VCPIP1: variants seen among roughly 807,000 people sequenced by gnomAD.
VCPIP1 encodes the protein deubiquitinating protein VCPIP1.
In VCPIP1, 8 loss-of-function variants were observed where a neutral mutation model predicts 85.0. The observed-to-expected ratio is 0.09, with a 90% CI of 0.06 to 0.17. VCPIP1 has a LOEUF of 0.17. VCPIP1 is among the 10% of genes least tolerant of loss of function. The probability of loss-of-function intolerance (pLI) is 1.00; values close to 1 mark genes in which losing one functional copy is unlikely to be tolerated. For synonymous variants in VCPIP1, 543 were observed against 544.5 expected (o/e 1.00, Z 0.04); for missense variants, 1,070 against 1,486.3 (o/e 0.72, Z 4.61).
chr8:66,641,115 C>T (rs931162109), intron 2 of VCPIP1, among the ~76,000 whole-genome samples: 4 of 152,178 alleles, frequency 2.6e-5, no homozygotes, highest in Non-Finnish European at 5.9e-5. Flanking sequence ...CTCATCCCGG[C>T]CCCTGTATCT....
chr8:66,645,759 CAAAAAAAAAAA>C (rs1179669993), intron 2 of VCPIP1, among the ~76,000 whole-genome samples: 1 of 57,488 alleles, frequency 1.7e-5, no homozygotes, highest in South Asian at 7.2e-4. Context: ...CCTGTCTCTA[CAAAAAAAAAAA>C]AAAAAAAAAA....
chr8:66,666,916 G>A lies in VCPIP1; in HGVS notation c.43C>T (p.Pro15Ser), dbSNP rs557973397. Reference protein sequence around the residue: ...PPPPPPLPPPPPPPEAPQTPS... With the variant: ...PPPPPPLPPPSPPPEAPQTPS... The stretch of plus-strand genomic sequence containing the variant: ...GTCTGTGGAGCCTCAGGGGGAGGAG[G>A]TGGCGGCGGCAACGGAGGCGGCGGC... Residue 15 changes from proline (P) to serine (S), a missense_variant, in exon 1 of 3, where the codon CCT becomes TCT. Pro to Ser is a moderately conservative substitution (Grantham distance 74). This residue lies in a region of VCPIP1 where 164 missense variants were observed against 158.6 expected (regional missense o/e 1.03). Coordinates refer to ENST00000310421, the MANE Select transcript of VCPIP1 (RefSeq NM_025054.5). The surrounding 1 kb of genome is among the most constrained non-coding windows in gnomAD (Gnocchi z 6.3). The A allele has an allele frequency of 6.3e-7, 1 of 1,589,938 alleles. No individual in the cohort carries two copies. Among genetic ancestry groups the A allele is most frequent in the Non-Finnish European group, 8.5e-7 (1 of 1,172,938 alleles).
At position 66,666,632 on chromosome 8, in the gene VCPIP1, T is replaced by C; in HGVS notation, c.327A>G (p.Ala109=). 6.2e-7 allele frequency: 1 copy of C among 1,614,152 alleles called. No individual in the cohort carries two copies. Among genetic ancestry groups the C allele is most frequent in the Non-Finnish European group, 8.5e-7 (1 of 1,180,022 alleles). The part of the protein sequence containing the change: ...LRNALLGVTG[A]PKKNTELVKV... ...TTACCAGTTCCGTGTTCTTCTTGGG[T>C]GCCCCCGTAACCCCGAGCAGCGCGT... Residue 109 remains alanine, a synonymous_variant, in exon 1 of 3, where the codon GCA becomes GCG. Coordinates refer to ENST00000310421, the MANE Select transcript of VCPIP1 (RefSeq NM_025054.5). The surrounding 1 kb of genome is among the most constrained non-coding windows in gnomAD (Gnocchi z 6.3).
At chr8:66,637,563 GT>G (rs201198874) in intron 2 of VCPIP1, among the ~76,000 whole-genome samples, 1 of 151,018 alleles carries the variant, frequency 6.6e-6, no homozygotes, top group Non-Finnish European at 1.5e-5. Flanking sequence ...TTGTTTAGGG[GT>G]TTTTTTTGGC....
chr8:66,637,326 G>A (rs1248664394), intron 2 of VCPIP1, among the ~76,000 whole-genome samples: 1 of 151,680 alleles, frequency 6.6e-6, no homozygotes, highest in African/African-American at 2.4e-5. Flanking sequence ...CTCCAACATG[G>A]GTGATAGCAA....
chr8:66,649,025 T>C (rs899029318), intron 2 of VCPIP1, among the ~76,000 whole-genome samples: 1 of 152,050 alleles, frequency 6.6e-6, no homozygotes, highest in African/African-American at 2.4e-5. Context: ...TAGTCGGGCA[T>C]GGTGGCTTAT....
At chr8:66,638,968 C>CTATATATATATATA (rs1432062184) in intron 2 of VCPIP1, among the ~76,000 whole-genome samples, 21 of 126,996 alleles carry the variant, frequency 1.7e-4, no homozygotes, top group African/African-American at 6.7e-4. Context: ...CTCTCTCTCT[C>CTATATATATATATA]TCTATATATA....
chr8:66,647,884 A>C (rs1459960747), intron 2 of VCPIP1, among the ~76,000 whole-genome samples: 2 of 152,108 alleles, frequency 1.3e-5, no homozygotes, highest in East Asian at 3.8e-4. Context: ...AAAAAACACA[A>C]TTGATTCTCC....
At position 66,664,533 on chromosome 8, in the gene VCPIP1, T is replaced by C. The variant is rs542047830; in HGVS notation, c.2426A>G (p.Asn809Ser). 2.4e-5 allele frequency: 38 copies of C among 1,614,246 alleles called. No individual in the cohort carries two copies. The highest frequency in any genetic ancestry group is 5.3e-5 in the African/African-American group (4 of 75,066). Residue 809 changes from asparagine to serine, a missense_variant, in exon 1 of 3, where the codon AAC becomes AGC. Around this residue, in one of 8 missense-constraint regions of VCPIP1, gnomAD observed 278 missense variants for 298.5 expected, o/e 0.93. Coordinates refer to ENST00000310421, the MANE Select transcript of VCPIP1 (RefSeq NM_025054.5). ...ELQESIAREF[N>S]IPPYLQCIRY... ...AATACACTGTAAATATGGAGGAATGTTGAATTCTCTGGCTATACTTTCCTG... is the reference window on the plus strand; with the variant it reads ...AATACACTGTAAATATGGAGGAATGCTGAATTCTCTGGCTATACTTTCCTG...
chr8:66,647,103 G>A (rs535964496), intron 2 of VCPIP1, among the ~76,000 whole-genome samples: 128 of 152,234 alleles, frequency 8.4e-4, no homozygotes, highest in African/African-American at 3.0e-3. Context: ...AGCACTTTGG[G>A]AGGCCAAGGC....
At chr8:66,648,543 A>G (rs1276517201) in intron 2 of VCPIP1, among the ~76,000 whole-genome samples, 1 of 141,356 alleles carries the variant, frequency 7.1e-6, no homozygotes, top group Non-Finnish European at 1.5e-5. Flanking sequence ...CTATCTATCT[A>G]TCTATCTATC....
intron 2 of VCPIP1, among the ~76,000 whole-genome samples, chr8:66,644,257 A>G (rs1164738975): frequency 6.6e-6 from 1 of 152,192 alleles, no homozygotes; most frequent in Admixed American, 6.5e-5. Context: ...TATGAAGCCA[A>G]CATTACCCTG....
rs1811215385 is a variant in VCPIP1, at chr8:66,666,677, C to T, written c.282G>A (p.Val94=). The change falls in exon 1 of 3, where the codon GTG becomes GTA. Residue 94 remains valine (V), a synonymous_variant. Transcript: ENST00000310421. The surrounding 1 kb of genome is among the most constrained non-coding windows in gnomAD (Gnocchi z 6.3). ...GCGCGTTCCGCAGCAGGTTGTGTAGCACTACGTCCGGGTCGGTCACCTCCT... is the reference window on the plus strand; with the variant it reads ...GCGCGTTCCGCAGCAGGTTGTGTAGTACTACGTCCGGGTCGGTCACCTCCT... ...GVEEVTDPDV[V]LHNLLRNALL... The T allele has an allele frequency of 6.2e-7, 1 of 1,614,196 alleles. No homozygotes were observed. Among genetic ancestry groups the T allele is most frequent in the Non-Finnish European group, 8.5e-7 (1 of 1,180,052 alleles).
intron 2 of VCPIP1, among the ~76,000 whole-genome samples, chr8:66,649,337 C>G (rs1021882768): frequency 6.6e-6 from 1 of 151,784 alleles, no homozygotes; most frequent in Admixed American, 6.6e-5. Flanking sequence ...ATGGCGAAAC[C>G]CCATCTCAAC....
In VCPIP1 at chr8:66,665,236, C is replaced by T. The variant is rs1000919438; in HGVS notation, c.1723G>A (p.Gly575Arg). The T allele has an allele frequency of 1.2e-6, 2 of 1,614,086 alleles. No individual in the cohort carries two copies. The highest frequency in any genetic ancestry group is 1.7e-6 in the Non-Finnish European group (2 of 1,180,014). The part of the protein sequence containing the change: ...SRSTGGKCGC[G>R]FKHFWDGKEY... ...TTACCATCCCAAAAGTGTTTGAATCCACAACCACATTTGCCACCAGTGGAC... is the reference window on the plus strand; with the variant it reads ...TTACCATCCCAAAAGTGTTTGAATCTACAACCACATTTGCCACCAGTGGAC... Residue 575 changes from glycine to arginine, a missense_variant, in exon 1 of 3, where the codon GGA (glycine) becomes AGA (arginine). Physicochemically the swap from Gly to Arg is moderately radical, Grantham distance 125. Around this residue, in one of 8 missense-constraint regions of VCPIP1, gnomAD observed 123 missense variants for 156.3 expected, o/e 0.79. Coordinates refer to ENST00000310421, the MANE Select transcript of VCPIP1 (RefSeq NM_025054.5). The surrounding 1 kb of genome is among the most constrained non-coding windows in gnomAD (Gnocchi z 4.3).
chr8:66,652,261 C>T (rs1811061440), intron 1 of VCPIP1, among the ~76,000 whole-genome samples: 3 of 152,092 alleles, frequency 2.0e-5, no homozygotes, highest in African/African-American at 7.2e-5. Context: ...AGACTCAATC[C>T]AGCTCAAAGG....
Position 66,666,058 on chromosome 8 carries a change from G to A in VCPIP1, c.901C>T (p.Arg301Cys), listed in dbSNP as rs763889568. The A allele has an allele frequency of 6.2e-7, 1 of 1,614,140 alleles. No individual in the cohort carries two copies. Among genetic ancestry groups the A allele is most frequent in the Non-Finnish European group, 8.5e-7 (1 of 1,180,032 alleles). Residue 301 changes from arginine to cysteine, a missense_variant, in exon 1 of 3, where the codon CGT (arginine) becomes TGT (cysteine). Arg to Cys is a radical substitution (Grantham distance 180). Transcript: ENST00000310421. The surrounding 1 kb of genome is among the most constrained non-coding windows in gnomAD (Gnocchi z 6.3). ...HIFGLANVLH[R>C]PIILLDSLSG... ...AGGGAATCTAACAGAATAATAGGAC[G>A]ATGTAGCACATTGGCAAGACCAAAT...
At position 66,629,198 on chromosome 8, in the gene VCPIP1, C is replaced by A. The variant is rs1348051648; in HGVS notation, c.*5303G>T. ...GTGTTAACTCATTTAAGACAGCCAC[C>A]CTGGGAGCAGATGTGATCATCATCC... On this transcript the variant is annotated 3_prime_UTR_variant, in exon 3 of 3. Coordinates refer to ENST00000310421, the MANE Select transcript of VCPIP1 (RefSeq NM_025054.5). 3.3e-5 allele frequency: 5 copies of A among 152,064 alleles called. No individual in the cohort carries two copies. In the East Asian group the frequency reaches 7.7e-4, roughly 23 times the overall value. 9.4% of individuals were successfully genotyped at this position (152,064 alleles called of 1,614,324 possible).
At chr8:66,638,970 C>CTCTATATATA in intron 2 of VCPIP1, among the ~76,000 whole-genome samples, 11 of 118,436 alleles carry the variant, frequency 9.3e-5, no homozygotes, top group African/African-American at 3.1e-4. Flanking sequence ...CTCTCTCTCT[C>CTCTATATATA]TATATATATA....
Sources: allele counts gnomAD v4.1 joint callset (sites outside exome capture counted in the v4.1 genomes callset), GRCh38; gene constraint gnomAD v4.1.1; regional missense constraint gnomAD v4.1.1; non-coding constraint Gnocchi (gnomAD v3.1); transcripts MANE v1.5; gene names NCBI Gene and HGNC (gene_info 2026-07-23, HGNC 2026-07-21).